The following GLDC variants were observed in gnomAD, a reference collection of about 807,000 sequenced individuals.
GLDC encodes the protein glycine decarboxylase, also known as glycine dehydrogenase (decarboxylating), mitochondrial.
Under a neutral mutation model 121.3 loss-of-function variants are expected in GLDC, and 104 were observed. The ratio of observed to expected loss-of-function variants is 0.86; its 90% CI spans 0.73 to 1.01. The LOEUF (loss-of-function observed/expected upper bound fraction) is 1.01, where lower values mean the gene tolerates loss of function less well. Ranked by LOEUF, GLDC falls within the 50% of genes least tolerant of loss-of-function variation. The pLI is 0.00. For synonymous variants in GLDC, 546 were observed against 480.6 expected (o/e 1.14, Z -1.78); for missense variants, 1,429 against 1,306.6 (o/e 1.09, Z -1.44).
chr9:6,594,973 T>C, intron 9 of GLDC, 41 bp downstream of exon 9: 1 of 1,217,446 alleles, frequency 8.2e-7, no homozygotes, highest in African/African-American at 1.5e-5. Context: ...AATTTATCAA[T>C]TTTATTATGC....
In GLDC at chr9:6,547,795, G is replaced by A. The variant is rs58946541; in HGVS notation, c.2569+3008C>T. On this transcript the variant is annotated intron_variant, in intron 21 of 24. Coordinates refer to ENST00000321612, the MANE Select transcript of GLDC (RefSeq NM_000170.3). ...ACTTTCAAAGAATATTTAGTGACAGGGGAAAATGCTCATAATATACATTTA... is the reference window on the plus strand; with the variant it reads ...ACTTTCAAAGAATATTTAGTGACAGAGGAAAATGCTCATAATATACATTTA... 5.7e-3 allele frequency among the ~76,000 whole-genome samples: 873 copies of A among 152,212 alleles called. 3 individuals carry two copies. Among genetic ancestry groups the A allele is most frequent in the African/African-American group, 0.019 (808 of 41,506 alleles).
At chr9:6,608,002 A>G (rs1271235075) in intron 4 of GLDC, among the ~76,000 whole-genome samples, 6 of 152,044 alleles carry the variant, frequency 3.9e-5, no homozygotes, top group Non-Finnish European at 7.4e-5. Flanking sequence ...ATGGGCCTAT[A>G]GTCCCAGCTG....
chr9:6,609,373 C>A (rs540081367), intron 4 of GLDC, among the ~76,000 whole-genome samples: 1 of 152,252 alleles, frequency 6.6e-6, no homozygotes, highest in African/African-American at 2.4e-5. Context: ...TATGGCACTT[C>A]CATGTAAGTG....
intron 4 of GLDC, among the ~76,000 whole-genome samples, chr9:6,607,595 C>A (rs914465885): frequency 3.3e-5 from 5 of 151,888 alleles, no homozygotes; most frequent in Admixed American, 6.6e-5. Context: ...TAAATAAATA[C>A]ATACATACAT....
intron 20 of GLDC, among the ~76,000 whole-genome samples, chr9:6,552,948 T>G (rs902647606): frequency 6.6e-6 from 1 of 151,096 alleles, no homozygotes; most frequent in African/African-American, 2.4e-5. Context: ...AAGAAATATA[T>G]AGCAAAGTGA....
intron 8 of GLDC, among the ~76,000 whole-genome samples, chr9:6,595,694 G>A (rs374112490): frequency 2.6e-5 from 4 of 152,138 alleles, no homozygotes; most frequent in East Asian, 1.9e-4. Context: ...AGCTGGGAGC[G>A]GGGTGGTGTG....
chr9:6,578,817 G>A (rs1474044191), intron 15 of GLDC, among the ~76,000 whole-genome samples: 1 of 152,198 alleles, frequency 6.6e-6, no homozygotes, highest in African/African-American at 2.4e-5. Flanking sequence ...ACAAGCATGA[G>A]CTACTGCACC....
intron 15 of GLDC, among the ~76,000 whole-genome samples, chr9:6,584,821 C>G (rs1333370993): frequency 6.6e-6 from 1 of 152,202 alleles, no homozygotes; most frequent in African/African-American, 2.4e-5. Context: ...CTGGAGAAGA[C>G]ATCATTGCCA....
intron 2 of GLDC, among the ~76,000 whole-genome samples, chr9:6,629,068 A>C (rs1388495002): frequency 6.6e-6 from 1 of 151,742 alleles, no homozygotes; most frequent in African/African-American, 2.4e-5. Flanking sequence ...CAGAATTTAG[A>C]ATGAATGCTT....
intron 18 of GLDC, among the ~76,000 whole-genome samples, chr9:6,555,681 A>G (rs746009588): frequency 7.2e-5 from 11 of 152,092 alleles, no homozygotes; most frequent in Non-Finnish European, 4.4e-5. Context: ...AGTCCCAGCT[A>G]CTCGGGAGGC....
At chr9:6,563,302 C>A (rs1041773116) in intron 16 of GLDC, among the ~76,000 whole-genome samples, 1 of 152,218 alleles carries the variant, frequency 6.6e-6, no homozygotes, top group Non-Finnish European at 1.5e-5. Flanking sequence ...GGAAGCATTA[C>A]TGCGTGGAAA....
intron 11 of GLDC, among the ~76,000 whole-genome samples, chr9:6,589,990 G>C (rs1475807885): frequency 3.3e-5 from 5 of 151,904 alleles, no homozygotes; most frequent in South Asian, 2.1e-4. Context: ...GGGAGGTGGA[G>C]TTTGCAGTGA....
intron 11 of GLDC, among the ~76,000 whole-genome samples, chr9:6,589,937 C>T (rs989732935): frequency 4.6e-5 from 7 of 151,844 alleles, no homozygotes; most frequent in African/African-American, 7.3e-5. Context: ...TGCCTGTAGT[C>T]GCAGCTACTC....
chr9:6,603,291 T>A (rs1402619312), intron 7 of GLDC, among the ~76,000 whole-genome samples: 3 of 151,158 alleles, frequency 2.0e-5, no homozygotes, highest in African/African-American at 7.3e-5. Flanking sequence ...TAACAACCAT[T>A]GCATAACATT....
intron 2 of GLDC, among the ~76,000 whole-genome samples, chr9:6,638,137 G>A (rs1193204476): frequency 6.6e-6 from 1 of 152,018 alleles, no homozygotes; most frequent in African/African-American, 2.4e-5. Context: ...GCCGAATTAT[G>A]TCTTGCACAT....
chr9:6,543,541 A>C (rs1351719792), intron 21 of GLDC, among the ~76,000 whole-genome samples: 1 of 152,216 alleles, frequency 6.6e-6, no homozygotes, highest in Admixed American at 6.5e-5. Flanking sequence ...CAAGAGGTTT[A>C]GGAAGAGCTC....
intron 15 of GLDC, among the ~76,000 whole-genome samples, chr9:6,574,279 C>G (rs1213043584): frequency 6.6e-6 from 1 of 151,936 alleles, no homozygotes; most frequent in Non-Finnish European, 1.5e-5. Flanking sequence ...ACCAGCCTGG[C>G]CAACACAGTG....
At chr9:6,589,360 T>A in intron 11 of GLDC, 68 bp from the exon 12 acceptor site, 1 of 914,246 alleles carries the variant, frequency 1.1e-6, no homozygotes. Context: ...CATCCAGGCT[T>A]CTGGGTGGCT....
Position 6,558,636 on chromosome 9 carries a change from G to A in GLDC, c.1975C>T (p.His659Tyr), listed in dbSNP as rs1330236076. Residue 659 changes from histidine (H) to tyrosine (Y), a missense_variant, in exon 17 of 25, where the codon CAC (histidine) becomes TAC (tyrosine). His to Tyr is a moderately conservative substitution (Grantham distance 83, BLOSUM62 2). Coordinates refer to ENST00000321612, the MANE Select transcript of GLDC (RefSeq NM_000170.3). Reference sequence around the variant, plus strand: ...GGCTGAATCTTCATGCCTGCCATGTGGGCACTTGCTGGGTTGGTCCCATGT... The same window carrying A: ...GGCTGAATCTTCATGCCTGCCATGTAGGCACTTGCTGGGTTGGTCCCATGT... The part of the protein sequence containing the change: ...SAHGTNPASA[H>Y]MAGMKIQPVE... The A allele has an allele frequency of 3.7e-6, 6 of 1,613,956 alleles. No individual in the cohort carries two copies. The highest frequency in any genetic ancestry group is 4.2e-6 in the Non-Finnish European group (5 of 1,179,820).
Sources: allele counts gnomAD v4.1 joint callset (sites outside exome capture counted in the v4.1 genomes callset), GRCh38; gene constraint gnomAD v4.1.1; transcripts MANE v1.5; gene names NCBI Gene and HGNC (gene_info 2026-07-23, HGNC 2026-07-21).